ALDH1L2: variants seen among roughly 807,000 people sequenced by gnomAD.
ALDH1L2 encodes the protein aldehyde dehydrogenase 1 family member L2, also known as mitochondrial 10-formyltetrahydrofolate dehydrogenase.
In ALDH1L2, 91 loss-of-function variants were observed where a neutral mutation model predicts 111.0. The observed-to-expected ratio is 0.82, with a 90% CI of 0.69 to 0.98. The LOEUF is 0.98. ALDH1L2 is among the 50% of genes least tolerant of loss of function. The pLI, the probability that ALDH1L2 is intolerant of heterozygous loss-of-function variation, is 0.00. For missense variants in ALDH1L2, 995 were observed against 1,126.8 expected, an observed-to-expected ratio of 0.88 and a Z score of 1.67; for synonymous variants, 374 against 392.6, an observed-to-expected ratio of 0.95 and a Z score of 0.56.
At chr12:105,061,497 C>T (rs1447894115) in intron 8 of ALDH1L2, 130 bp downstream of exon 8, 1 of 1,335,440 alleles carries the variant, frequency 7.5e-7, no homozygotes, top group Non-Finnish European at 1.0e-6. Flanking sequence ...GGTTGATTTC[C>T]TCTTGCAGCT....
At position 105,062,939 on chromosome 12, in the gene ALDH1L2, AG is replaced by A. The variant is rs867682403; in HGVS notation, c.869del (p.Pro290LeufsTer19). Reference sequence around the variant, plus strand: ...CAAGTCCATTTTTGGTAACGAGACCAGGCTTCTTGGCACCTTTAATTTCCAG... The same window carrying A: ...CAAGTCCATTTTTGGTAACGAGACCAGCTTCTTGGCACCTTTAATTTCCAG... ...EPLEIKGAKK[P>X]GLVTKNGLVL... On this transcript the variant is annotated frameshift_variant, in exon 7 of 23. Transcript: ENST00000258494. LOFTEE classifies it high-confidence loss of function. The A allele has an allele frequency of 6.2e-7, 1 of 1,614,152 alleles. No homozygotes were observed. Among genetic ancestry groups the A allele is most frequent in the Non-Finnish European group, 8.5e-7 (1 of 1,180,026 alleles).
rs1389846508 is a variant in ALDH1L2 at position 105,022,857 on chromosome 12, CA to C, written c.*1566del. The C allele has an allele frequency of 6.6e-6, 1 of 152,126 alleles. No homozygotes were observed. Among genetic ancestry groups the C allele is most frequent in the African/African-American group, 2.4e-5 (1 of 41,436 alleles). 9.4% of individuals were successfully genotyped at this position (152,126 alleles called of 1,614,324 possible). A position where few individuals can be genotyped will look rare whatever the true frequency, so the allele number is the denominator to read the frequency against. On this transcript the variant is annotated 3_prime_UTR_variant, in exon 23 of 23. Coordinates refer to ENST00000258494, the MANE Select transcript of ALDH1L2 (RefSeq NM_001034173.4). ...CCCTCATGTTATTCTGCCAAGTCTC[CA>C]AAATGACAAATATTCCCTAAGGCTT...
At chr12:105,072,129 T>C (rs976474448) in intron 2 of ALDH1L2, among the ~76,000 whole-genome samples, 7 of 143,396 alleles carry the variant, frequency 4.9e-5, no homozygotes, top group Non-Finnish European at 1.1e-4. Flanking sequence ...TACATACTAT[T>C]ATTAATATAT....
intron 13 of ALDH1L2, among the ~76,000 whole-genome samples, chr12:105,049,047 A>T (rs12582092): frequency 1.2e-4 from 18 of 151,256 alleles, no homozygotes; most frequent in East Asian, 5.9e-4. Flanking sequence ...AGAAAAAAAA[A>T]TTTTTTTTTA....
intron 13 of ALDH1L2, among the ~76,000 whole-genome samples, chr12:105,049,434 C>T (rs1876114836): frequency 6.6e-6 from 1 of 152,134 alleles, no homozygotes. Flanking sequence ...GAAAGTGTCT[C>T]CTAAAATGCA....
chr12:105,056,753 C>A (rs750447880), intron 10 of ALDH1L2, among the ~76,000 whole-genome samples: 3 of 150,218 alleles, frequency 2.0e-5, no homozygotes, highest in Admixed American at 1.3e-4. Context: ...AAGGCAACCA[C>A]TAAGAAAATA....
chr12:105,024,152 T>G lies in ALDH1L2; in HGVS notation c.*272A>C. ...AAGATGGGAACCATGAATAGATTTG[T>G]CTAGGTAGGGGAGAAACAGCTTGGT... On this transcript the variant is annotated 3_prime_UTR_variant, in exon 23 of 23. Transcript: ENST00000258494. 2 of 526,872 alleles carry G rather than the reference T, an allele frequency of 3.8e-6. No individual in the cohort carries two copies. The highest frequency in any genetic ancestry group is 3.4e-6 in the Non-Finnish European group (1 of 294,014). 32.6% of individuals were successfully genotyped at this position (526,872 alleles called of 1,614,324 possible). A position where few individuals can be genotyped will look rare whatever the true frequency, so the allele number is the denominator to read the frequency against.
At chr12:105,064,791 G>A (rs937256007) in intron 6 of ALDH1L2, among the ~76,000 whole-genome samples, 13 of 152,094 alleles carry the variant, frequency 8.5e-5, no homozygotes, top group Admixed American at 6.6e-4. Flanking sequence ...GGCCCTGCCC[G>A]CCTCTCCCGC....
intron 2 of ALDH1L2, among the ~76,000 whole-genome samples, chr12:105,071,625 TATATATATATATA>T: frequency 6.0e-5 from 1 of 16,690 alleles, no homozygotes; most frequent in Non-Finnish European, 1.1e-4. Context: ...TATATATATA[TATATATATATATA>T]TATATTTTTT....
intron 19 of ALDH1L2, among the ~76,000 whole-genome samples, chr12:105,034,045 A>G (rs1019211172): frequency 6.6e-6 from 1 of 152,190 alleles, no homozygotes. Context: ...AACAACTACC[A>G]ACTCCTGGCC....
chr12:105,081,560 C>T (rs1210167305), intron 1 of ALDH1L2, among the ~76,000 whole-genome samples: 2 of 152,138 alleles, frequency 1.3e-5, no homozygotes, highest in Non-Finnish European at 2.9e-5. Context: ...AAAGGAATGT[C>T]AATGAATAGA....
chr12:105,051,743 C>T (rs866948099), intron 12 of ALDH1L2, among the ~76,000 whole-genome samples: 1 of 151,864 alleles, frequency 6.6e-6, no homozygotes, highest in Middle Eastern at 3.5e-3. Flanking sequence ...GCAATGTTAG[C>T]CAATATCCAA....
In ALDH1L2 at chr12:105,042,497, C is replaced by T. The variant is rs1209381300; in HGVS notation, c.1864-1803G>A. Among the ~76,000 whole-genome samples, 3 of 152,144 alleles carry T rather than the reference C, an allele frequency of 2.0e-5. No individual in the cohort carries two copies. In the East Asian group the frequency reaches 5.8e-4, roughly 29 times the overall value. On this transcript the variant is annotated intron_variant, in intron 15 of 22. Transcript: ENST00000258494. ...ACTTGGGTTCATGCTTCCTCATTCT[C>T]TTCAATGGGGTCATGTTATTCATTT... is the stretch of plus-strand genomic sequence containing the variant.
chr12:105,082,750 TTA>T (rs1878388259), intron 1 of ALDH1L2, among the ~76,000 whole-genome samples: 2 of 152,356 alleles, frequency 1.3e-5, no homozygotes, highest in South Asian at 4.1e-4. Context: ...TATGATAGGT[TTA>T]TGTTTAACTA....
At chr12:105,028,895 C>T (rs1303025800) in intron 21 of ALDH1L2, among the ~76,000 whole-genome samples, 1 of 151,994 alleles carries the variant, frequency 6.6e-6, no homozygotes, top group African/African-American at 2.4e-5. Flanking sequence ...CTGCAATGCT[C>T]TATTGATGTC....
At chr12:105,032,518 C>T (rs1310965278) in intron 19 of ALDH1L2, among the ~76,000 whole-genome samples, 8 of 151,998 alleles carry the variant, frequency 5.3e-5, no homozygotes, top group Admixed American at 3.9e-4. Context: ...GGATTACAGG[C>T]GTGAGCCACC....
At chr12:105,059,905 TACCCACCATCAAGGG>T (rs1450122911) in intron 9 of ALDH1L2, among the ~76,000 whole-genome samples, 2 of 152,236 alleles carry the variant, frequency 1.3e-5, no homozygotes, top group Non-Finnish European at 2.9e-5. Context: ...CTATTCTCTG[TACCCACCATCAAGGG>T]ACTGCACAGT....
At chr12:105,065,550 T>C (rs1224124479) in intron 5 of ALDH1L2, among the ~76,000 whole-genome samples, 194 bp from the exon 6 acceptor site, 1 of 152,160 alleles carries the variant, frequency 6.6e-6, no homozygotes, top group Non-Finnish European at 1.5e-5. Context: ...TAAAGGAAAA[T>C]AAAAAGCAGA....
intron 15 of ALDH1L2, among the ~76,000 whole-genome samples, chr12:105,040,994 T>C (rs1875496752): frequency 6.6e-6 from 1 of 152,248 alleles, no homozygotes; most frequent in Non-Finnish European, 1.5e-5. Context: ...GTTTCTGAAC[T>C]GTTTAAGAAT....
Sources: gnomAD v4.1 joint callset for allele counts (sites outside exome capture counted in the v4.1 genomes callset) on GRCh38, gnomAD v4.1.1 for gene constraint, MANE v1.5 for transcripts, NCBI Gene and HGNC (gene_info 2026-07-23, HGNC 2026-07-21) for gene names.